NTRK2: variants seen among roughly 807,000 people sequenced by gnomAD.
NTRK2 encodes the protein BDNF/NT-3 growth factors receptor.
Under a neutral mutation model 94.5 loss-of-function variants are expected in NTRK2, and 13 were observed. That is an observed-to-expected ratio of 0.14 (90% CI 0.09 to 0.22). The LOEUF is 0.22. NTRK2 is among the 10% of genes least tolerant of loss of function. NTRK2 has a pLI of 1.00. For missense variants in NTRK2, 639 were observed against 1,071.2 expected (o/e 0.60, Z 5.63); for synonymous variants, 372 against 407.4 (o/e 0.91, Z 1.05).
At chr9:84,865,216 G>C (rs1326173119) in intron 13 of NTRK2, among the ~76,000 whole-genome samples, 1 of 152,170 alleles carries the variant, frequency 6.6e-6, no homozygotes, top group South Asian at 2.1e-4. Context: ...GAACACAACT[G>C]ATGGGTTTGC....
chr9:84,959,159 C>T (rs966595600), intron 17 of NTRK2, among the ~76,000 whole-genome samples: 1 of 152,170 alleles, frequency 6.6e-6, no homozygotes, highest in African/African-American at 2.4e-5. Flanking sequence ...TATTTTATCC[C>T]TATCCTCTTC....
At chr9:84,988,610 CT>C (rs1828660135) in intron 17 of NTRK2, among the ~76,000 whole-genome samples, 1 of 152,212 alleles carries the variant, frequency 6.6e-6, no homozygotes, top group Non-Finnish European at 1.5e-5. Flanking sequence ...AGCTCTACAG[CT>C]GTGTGCACAC....
At chr9:84,845,191 A>T (rs1017600464) in intron 12 of NTRK2, among the ~76,000 whole-genome samples, 1 of 152,200 alleles carries the variant, frequency 6.6e-6, no homozygotes, top group Non-Finnish European at 1.5e-5. Flanking sequence ...AGTTGCAAAG[A>T]TATGAAACCA....
At chr9:84,797,279 C>T (rs1299438530) in intron 12 of NTRK2, among the ~76,000 whole-genome samples, 2 of 151,844 alleles carry the variant, frequency 1.3e-5, no homozygotes, top group East Asian at 3.9e-4. Context: ...TCATTTCTCA[C>T]ATGTTGTCTA....
chr9:84,850,788 T>C (rs182151478), intron 12 of NTRK2, among the ~76,000 whole-genome samples: 12 of 152,218 alleles, frequency 7.9e-5, no homozygotes, highest in African/African-American at 2.9e-4. Context: ...CCTTTTGGTG[T>C]TGGGAGCAGT....
chr9:84,752,077 G>A lies in NTRK2; in HGVS notation c.1388G>A (p.Gly463Asp). 1 of 1,613,712 alleles carries A rather than the reference G, an allele frequency of 6.2e-7. No individual in the cohort carries two copies. The highest frequency in any genetic ancestry group is 1.7e-5 in the Admixed American group (1 of 60,026). The change falls in exon 12 of 19, where the codon GGC (glycine) becomes GAC (aspartate). Residue 463 changes from glycine (G) to aspartate (D), a missense_variant. Gly to Asp is a moderately conservative substitution (Grantham distance 94). Coordinates refer to ENST00000277120, the MANE Select transcript of NTRK2 (RefSeq NM_006180.6). The stretch of plus-strand genomic sequence containing the variant: ...AAGTTGGCAAGACACTCCAAGTTTG[G>A]CATGAAAGGTAAGAAGGGTTGTGTT... Reference protein sequence around the residue: ...LLKLARHSKFGMKDFSWFGFG... With the variant: ...LLKLARHSKFDMKDFSWFGFG...
intron 14 of NTRK2, among the ~76,000 whole-genome samples, chr9:84,921,102 A>G (rs1480396063): frequency 6.6e-6 from 1 of 152,196 alleles, no homozygotes; most frequent in Non-Finnish European, 1.5e-5. Context: ...GGACTTCATG[A>G]CAAAATGTGG....
intron 17 of NTRK2, among the ~76,000 whole-genome samples, chr9:85,013,259 C>T (rs561054412): frequency 9.5e-4 from 144 of 152,274 alleles, no homozygotes; most frequent in African/African-American, 3.4e-3. Context: ...ATTGTCTGGC[C>T]ACAATGGCTC....
At chr9:84,883,819 G>A (rs527658785) in intron 14 of NTRK2, among the ~76,000 whole-genome samples, 24 of 152,080 alleles carry the variant, frequency 1.6e-4, no homozygotes, top group African/African-American at 5.5e-4. Context: ...CTAATAATTC[G>A]GTATCAAAAT....
At chr9:84,873,993 G>A in intron 14 of NTRK2, 1 of 1,063,816 alleles carries the variant, frequency 9.4e-7, no homozygotes, top group Non-Finnish European at 1.1e-6. Context: ...AGACATTTCA[G>A]TCCAATTTCA....
intron 17 of NTRK2, among the ~76,000 whole-genome samples, chr9:84,990,059 A>G (rs1255828801): frequency 1.3e-5 from 2 of 152,134 alleles, no homozygotes; most frequent in Non-Finnish European, 2.9e-5. Flanking sequence ...GACGTTATCT[A>G]TGCACTGCCA....
At chr9:84,723,474 T>A in intron 6 of NTRK2, 99 bp from the exon 7 acceptor site, 1 of 1,380,362 alleles carries the variant, frequency 7.2e-7, no homozygotes, top group Non-Finnish European at 1.0e-6. Context: ...AATTAAAGAT[T>A]GATTTTTAAA....
intron 14 of NTRK2, among the ~76,000 whole-genome samples, chr9:84,897,980 C>T (rs934895824): frequency 6.6e-6 from 1 of 152,126 alleles, no homozygotes; most frequent in Admixed American, 6.5e-5. Flanking sequence ...TTGCACAGAA[C>T]CCCCTTGATG....
chr9:84,880,425 G>C (rs968210575), intron 14 of NTRK2, among the ~76,000 whole-genome samples: 1 of 152,172 alleles, frequency 6.6e-6, no homozygotes. Flanking sequence ...CGAATCTTAT[G>C]AGCATCGCAG....
chr9:84,823,025 G>T (rs890079708), intron 12 of NTRK2, among the ~76,000 whole-genome samples: 1 of 152,070 alleles, frequency 6.6e-6, no homozygotes, highest in Non-Finnish European at 1.5e-5. Flanking sequence ...AGTGCTTTCG[G>T]AAACTCCACT....
intron 17 of NTRK2, among the ~76,000 whole-genome samples, chr9:84,958,447 C>T (rs543721173): frequency 1.3e-5 from 2 of 152,182 alleles, no homozygotes; most frequent in African/African-American, 4.8e-5. Context: ...TTCTGAAGTA[C>T]TTTCTTCTGA....
intron 12 of NTRK2, among the ~76,000 whole-genome samples, chr9:84,802,878 C>T (rs1007844449): frequency 1.2e-4 from 19 of 152,252 alleles, no homozygotes; most frequent in African/African-American, 4.3e-4. Context: ...ATTCTGTGCT[C>T]GTGACGTGAA....
chr9:84,766,738 A>C (rs1251431105), intron 12 of NTRK2, among the ~76,000 whole-genome samples: 1 of 151,944 alleles, frequency 6.6e-6, no homozygotes, highest in Non-Finnish European at 1.5e-5. Context: ...CACAAACCAC[A>C]CACATTCAAC....
At chr9:84,843,424 C>T (rs2074295531) in intron 12 of NTRK2, among the ~76,000 whole-genome samples, 2 of 152,216 alleles carry the variant, frequency 1.3e-5, no homozygotes, top group Admixed American at 6.5e-5. Flanking sequence ...AGAGGTGGCT[C>T]CCACTGCCCT....
Sources: allele counts gnomAD v4.1 joint callset (sites outside exome capture counted in the v4.1 genomes callset), GRCh38; gene constraint gnomAD v4.1.1; transcripts MANE v1.5; gene names NCBI Gene and HGNC (gene_info 2026-07-23, HGNC 2026-07-21).